Variants in EPB41L5 observed in about 807,000 individuals in gnomAD.
The protein encoded by EPB41L5 is band 4.1-like protein 5.
A neutral mutation model predicts 106.6 loss-of-function variants in EPB41L5; 55 were observed. That is an observed-to-expected ratio of 0.52 (90% CI 0.42 to 0.65). EPB41L5 has a LOEUF of 0.65. EPB41L5 is among the 30% of genes least tolerant of loss of function. EPB41L5 has a pLI of 0.00. For missense variants in EPB41L5, 871 were observed against 882.1 expected (o/e 0.99, Z 0.16); for synonymous variants, 297 against 306.7 (o/e 0.97, Z 0.33).
At chr2:120,025,788 A>G (rs2105147972) in intron 2 of EPB41L5, among the ~76,000 whole-genome samples, 1 of 152,340 alleles carries the variant, frequency 6.6e-6, no homozygotes, top group Non-Finnish European at 1.5e-5. Flanking sequence ...TTACAAGCTG[A>G]TTCTAAAATT....
intron 3 of EPB41L5, among the ~76,000 whole-genome samples, chr2:120,068,069 A>G (rs534600516): frequency 1.3e-5 from 2 of 152,140 alleles, no homozygotes; most frequent in African/African-American, 4.8e-5. Flanking sequence ...TGCATTTCCA[A>G]CTGAGGTACC....
At chr2:120,148,604 A>G (rs921177975) in intron 20 of EPB41L5, among the ~76,000 whole-genome samples, 1 of 152,158 alleles carries the variant, frequency 6.6e-6, no homozygotes, top group Admixed American at 6.5e-5. Context: ...TGTCAATGGA[A>G]TTATACGTGT....
At chr2:120,026,571 G>A (rs772506771) in intron 2 of EPB41L5, among the ~76,000 whole-genome samples, 41 of 152,120 alleles carry the variant, frequency 2.7e-4, no homozygotes, top group Non-Finnish European at 5.6e-4. Context: ...ATTTCACCAT[G>A]TTTGCCAGGC....
intron 19 of EPB41L5, among the ~76,000 whole-genome samples, chr2:120,143,978 GTTGT>G (rs1432185529): frequency 3.9e-5 from 6 of 152,142 alleles, no homozygotes; most frequent in Non-Finnish European, 8.8e-5. Flanking sequence ...CTTAAGCTGG[GTTGT>G]AAAGGTGAAA....
intron 3 of EPB41L5, among the ~76,000 whole-genome samples, chr2:120,048,946 G>A (rs1680020931): frequency 6.6e-6 from 1 of 152,152 alleles, no homozygotes; most frequent in Non-Finnish European, 1.5e-5. Context: ...TCAGGAGCAG[G>A]TTGTTCAGTT....
intron 12 of EPB41L5, among the ~76,000 whole-genome samples, 164 bp downstream of exon 12, chr2:120,090,680 AT>A (rs1683348648): frequency 6.6e-6 from 1 of 152,272 alleles, no homozygotes; most frequent in Middle Eastern, 3.4e-3. Context: ...TGGTATTGTT[AT>A]TGGTTATAAT....
chr2:120,155,395 A>G (rs935514699), intron 20 of EPB41L5, among the ~76,000 whole-genome samples: 1 of 152,198 alleles, frequency 6.6e-6, no homozygotes, highest in South Asian at 2.1e-4. Flanking sequence ...ATCCTTGTAC[A>G]TGATGAGTCG....
chr2:120,151,866 C>T (rs1346478628), intron 20 of EPB41L5, among the ~76,000 whole-genome samples: 2 of 152,152 alleles, frequency 1.3e-5, no homozygotes, highest in Non-Finnish European at 2.9e-5. Context: ...ATCGGCCCGC[C>T]TCGGCCTCCC....
At chr2:120,151,321 T>C (rs1399958040) in intron 20 of EPB41L5, among the ~76,000 whole-genome samples, 1 of 151,846 alleles carries the variant, frequency 6.6e-6, no homozygotes, top group African/African-American at 2.4e-5. Context: ...ATAATAATAA[T>C]AATGCAGAAA....
chr2:120,030,226 C>T (rs1678611821), intron 2 of EPB41L5, among the ~76,000 whole-genome samples: 1 of 152,202 alleles, frequency 6.6e-6, no homozygotes, highest in African/African-American at 2.4e-5. Flanking sequence ...CCCAGCCTGG[C>T]TTTGCAGGAC....
At chr2:120,051,637 C>A (rs551962981) in intron 3 of EPB41L5, among the ~76,000 whole-genome samples, 1 of 152,194 alleles carries the variant, frequency 6.6e-6, no homozygotes, top group Admixed American at 6.5e-5. Context: ...TGACTCCTTG[C>A]GCTTCCCGGG....
At position 120,028,624 on chromosome 2, in the gene EPB41L5, G is replaced by A. The variant is rs184297706; in HGVS notation, c.180+9360G>A. Reference sequence around the variant, plus strand: ...GCCTGGAGACTGCTACGGTAATACAGATACAAGATGATGAGGCTGCAGACT... The same window carrying A: ...GCCTGGAGACTGCTACGGTAATACAAATACAAGATGATGAGGCTGCAGACT... On this transcript the variant is annotated intron_variant, in intron 2 of 24. Transcript: ENST00000263713. Among the ~76,000 whole-genome samples, 14 of 152,282 alleles carry A rather than the reference G, an allele frequency of 9.2e-5. No homozygotes were observed. The East Asian group carries it at 2.7e-3, about 29-fold the overall frequency.
At chr2:120,157,834 G>GA (rs1233135293) in intron 20 of EPB41L5, among the ~76,000 whole-genome samples, 5 of 149,520 alleles carry the variant, frequency 3.3e-5, no homozygotes, top group Non-Finnish European at 5.9e-5. Flanking sequence ...TTGCTTTTTT[G>GA]AAAAAATAAT....
intron 16 of EPB41L5, chr2:120,105,311 T>C (rs1322947962): frequency 1.1e-5 from 11 of 958,578 alleles, no homozygotes; most frequent in South Asian, 9.7e-5. Flanking sequence ...TTTTAAACTA[T>C]GTACATAGAA....
At chr2:120,048,177 A>G (rs749262973) in intron 3 of EPB41L5, among the ~76,000 whole-genome samples, 1 of 152,296 alleles carries the variant, frequency 6.6e-6, no homozygotes, top group South Asian at 2.1e-4. Flanking sequence ...GCCTCATAAC[A>G]TGAGTTAGGG....
At chr2:120,119,450 A>G (rs963383675) in intron 16 of EPB41L5, among the ~76,000 whole-genome samples, 10 of 151,910 alleles carry the variant, frequency 6.6e-5, no homozygotes, top group African/African-American at 2.4e-4. Flanking sequence ...CGTGAATGGT[A>G]TTGCCTTGAT....
intron 9 of EPB41L5, 149 bp downstream of exon 9, chr2:120,077,465 A>G (rs914005271): frequency 2.0e-6 from 1 of 499,900 alleles, no homozygotes; most frequent in African/African-American, 2.0e-5. Context: ...TTGAGATTAA[A>G]TACCAAATGA....
chr2:120,143,092 G>A lies in EPB41L5; in HGVS notation c.1689G>A (p.Lys563=). The A allele has an allele frequency of 6.2e-7, 1 of 1,608,492 alleles. No homozygotes were observed. Among genetic ancestry groups the A allele is most frequent in the Non-Finnish European group, 8.5e-7 (1 of 1,178,072 alleles). The change falls in exon 19 of 25, where the codon AAG becomes AAA. Residue 563 remains lysine (K), a synonymous_variant. Transcript: ENST00000263713. ...TCATGAGAGTTCCTCCTGACTTCAA[G>A]AGTAACATTTTGAAGGCTCAAGTAG... The part of the protein sequence containing the change: ...LNVMRVPPDF[K]SNILKAQVEA...
chr2:120,054,959 C>T (rs1290041255), intron 3 of EPB41L5, among the ~76,000 whole-genome samples: 4 of 151,248 alleles, frequency 2.6e-5, no homozygotes, highest in South Asian at 2.1e-4. Context: ...CTCTGCCTCC[C>T]GGGTCCAAGT....
Sources: gnomAD v4.1 joint callset for allele counts (sites outside exome capture counted in the v4.1 genomes callset) on GRCh38, gnomAD v4.1.1 for gene constraint, MANE v1.5 for transcripts, NCBI Gene and HGNC (gene_info 2026-07-23, HGNC 2026-07-21) for gene names.